The following DST variants were observed in gnomAD, a reference collection of about 807,000 sequenced individuals.
The protein encoded by DST is bullous pemphigoid antigen.
Under a neutral mutation model 875.2 loss-of-function variants are expected in DST, and 253 were observed. That is an observed-to-expected ratio of 0.29 (90% confidence interval 0.26 to 0.32). The LOEUF is 0.32. DST is among the 10% of genes least tolerant of loss of function. DST has a pLI of 1.00. For synonymous variants in DST, 3,124 were observed against 3,197.1 expected (o/e 0.98, Z 0.77); for missense variants, 8,287 against 9,111.6 (o/e 0.91, Z 3.68).
Position 56,509,781 on chromosome 6 carries a change from C to A in DST, c.18873G>T (p.Lys6291Asn). The change falls in exon 74 of 104, where the codon AAG becomes AAT. Residue 6291 changes from lysine to asparagine, a missense_variant. Lys to Asn is a moderately conservative substitution (Grantham distance 94, BLOSUM62 0). This residue lies in a region of DST where 1,292 missense variants were observed against 1,552.7 expected (regional missense o/e 0.83). Coordinates refer to ENST00000680361, the MANE Select transcript of DST (RefSeq NM_001374736.1). ...TATTTTCACTGATCTGTTCCTTGAT[C>A]TTCTCAACCTCTGCAGAGATAGAGG... ...QPPSISAEVEKIKEQISENKN... is the reference protein window; with the variant it reads ...QPPSISAEVENIKEQISENKN... The A allele has an allele frequency of 1.2e-6, 2 of 1,613,724 alleles. No homozygotes were observed. The highest frequency in any genetic ancestry group is 1.7e-6 in the Non-Finnish European group (2 of 1,179,752).
intron 10 of DST, among the ~76,000 whole-genome samples, chr6:56,660,942 T>G (rs544247612): frequency 6.7e-6 from 1 of 149,574 alleles, no homozygotes; most frequent in East Asian, 1.9e-4. Context: ...TCTAACAAAT[T>G]CAATAATTAA....
At chr6:56,743,475 C>G (rs1390409628) in intron 4 of DST, among the ~76,000 whole-genome samples, 2 of 152,168 alleles carry the variant, frequency 1.3e-5, no homozygotes. Flanking sequence ...TAGTAAATAG[C>G]CCTTCTCTTC....
In DST at chr6:56,459,392, A is replaced by T; in HGVS notation, c.23195-125T>A. The T allele has an allele frequency of 3.1e-6, 3 of 954,578 alleles. No homozygotes were observed. In the South Asian group the frequency reaches 5.4e-5, roughly 17 times the overall value. The allele number at this position is 954,578 out of a possible 1,614,324, so 59.1% of individuals were successfully genotyped here. A position where few individuals can be genotyped will look rare whatever the true frequency, so the allele number is the denominator to read the frequency against. On this transcript the variant is annotated intron_variant, in intron 103 of 103. Coordinates refer to ENST00000680361, the MANE Select transcript of DST (RefSeq NM_001374736.1). ...GGTGTGTAGTAGGCACTCAGAAAAC[A>T]GTTGTGGATTCACAGCCTTTCTCTA...
Position 56,473,951 on chromosome 6 carries a change from T to C in DST, c.21916A>G (p.Lys7306Glu). Reference protein sequence around the residue: ...RKQPDVDKVTKTYKRRAADPS... With the variant: ...RKQPDVDKVTETYKRRAADPS... ...TCAGCAGCTCTCCTCTTATAGGTCTTCGTTACTTTATCAACATCAGGCTGT... is the reference window on the plus strand; with the variant it reads ...TCAGCAGCTCTCCTCTTATAGGTCTCCGTTACTTTATCAACATCAGGCTGT... Residue 7306 changes from lysine (K) to glutamate (E), a missense_variant, in exon 93 of 104, where the codon AAG (lysine) becomes GAG (glutamate). Lys to Glu is a moderately conservative substitution (Grantham distance 56, BLOSUM62 1). Transcript: ENST00000680361. 1 of 1,586,784 alleles carries C rather than the reference T, an allele frequency of 6.3e-7. No individual in the cohort carries two copies. The highest frequency in any genetic ancestry group is 1.1e-5 in the South Asian group (1 of 87,238).
At chr6:56,700,253 T>C (rs1456372978) in intron 8 of DST, among the ~76,000 whole-genome samples, 2 of 152,170 alleles carry the variant, frequency 1.3e-5, no homozygotes, top group East Asian at 3.9e-4. Flanking sequence ...AGCCAGTTCA[T>C]GGAAAAATAG....
chr6:56,769,852 C>A (rs1298795968), intron 4 of DST, among the ~76,000 whole-genome samples: 1 of 152,152 alleles, frequency 6.6e-6, no homozygotes, highest in Non-Finnish European at 1.5e-5. Flanking sequence ...AAAATGTATT[C>A]CTGTCCTCAA....
intron 10 of DST, among the ~76,000 whole-genome samples, chr6:56,660,889 C>A (rs1466527509): frequency 6.6e-6 from 1 of 151,160 alleles, no homozygotes. Flanking sequence ...AGATGAGAAA[C>A]AGTATATTTA....
intron 3 of DST, among the ~76,000 whole-genome samples, chr6:56,862,300 A>G (rs1453181298): frequency 6.6e-6 from 1 of 152,142 alleles, no homozygotes; most frequent in Non-Finnish European, 1.5e-5. Flanking sequence ...GATCCAGGGA[A>G]GAAGGGAATG....
At chr6:56,476,116 G>C (rs902031779) in intron 92 of DST, 33 bp downstream of exon 92, 1 of 1,525,728 alleles carries the variant, frequency 6.6e-7, no homozygotes, top group African/African-American at 1.4e-5. Flanking sequence ...CTGAGATAAT[G>C]GTTAACAGGA....
intron 4 of DST, among the ~76,000 whole-genome samples, chr6:56,778,250 A>C (rs968778414): frequency 2.0e-5 from 3 of 151,944 alleles, no homozygotes; most frequent in African/African-American, 7.3e-5. Context: ...AAACAAATCA[A>C]AATTGTCCAG....
chr6:56,663,278 A>T (rs1451929544), intron 10 of DST, among the ~76,000 whole-genome samples: 1 of 152,272 alleles, frequency 6.6e-6, no homozygotes, highest in African/African-American at 2.4e-5. Context: ...GTTAGAAGTC[A>T]TCCATTTCTG....
At chr6:56,850,067 T>C (rs576040396) in intron 4 of DST, among the ~76,000 whole-genome samples, 50 of 152,222 alleles carry the variant, frequency 3.3e-4, no homozygotes, top group South Asian at 1.2e-3. Context: ...GACTAAACAT[T>C]TTCTGGTCTG....
chr6:56,677,018 G>A (rs1211332114), intron 9 of DST, among the ~76,000 whole-genome samples: 1 of 152,126 alleles, frequency 6.6e-6, no homozygotes, highest in African/African-American at 2.4e-5. Context: ...TTCTAAAAGA[G>A]TAGATTTTAA....
intron 3 of DST, among the ~76,000 whole-genome samples, chr6:56,879,651 C>T (rs1377941259): frequency 2.0e-5 from 3 of 152,190 alleles, no homozygotes; most frequent in African/African-American, 7.2e-5. Flanking sequence ...ATATCATTCA[C>T]TCCTTAATTA....
At chr6:56,573,309 AC>A (rs1377036805) in intron 51 of DST, among the ~76,000 whole-genome samples, 2 of 152,188 alleles carry the variant, frequency 1.3e-5, no homozygotes, top group Non-Finnish European at 2.9e-5. Context: ...CTACTCAGCA[AC>A]CCCTAGAATC....
chr6:56,842,458 C>T (rs1167146997), intron 4 of DST, among the ~76,000 whole-genome samples: 2 of 152,054 alleles, frequency 1.3e-5, no homozygotes, highest in East Asian at 3.8e-4. Flanking sequence ...CATAGAATTT[C>T]CTGAACATAA....
intron 19 of DST, 71 bp from the exon 20 acceptor site, chr6:56,639,844 T>C: frequency 6.3e-7 from 1 of 1,582,312 alleles, no homozygotes; most frequent in Non-Finnish European, 8.7e-7. Context: ...TTAATGTATC[T>C]ATTATTGATT....
At chr6:56,602,845 T>C (rs750522734) in intron 43 of DST, 37 bp downstream of exon 43, 1 of 1,416,450 alleles carries the variant, frequency 7.1e-7, no homozygotes, top group Non-Finnish European at 9.3e-7. Flanking sequence ...GTCATAGTTT[T>C]TGAAATATAT....
chr6:56,603,047 G>A lies in DST; in HGVS notation c.11158-16C>T, dbSNP rs570718803. ...CTAGTTTAGACTAGAAAAAAAAATT[G>A]TGCATTCAGTTATCTTTCCCCAAAA... On this transcript the variant is annotated splice_polypyrimidine_tract_variant and intron_variant, in intron 42 of 103. Coordinates refer to ENST00000680361, the MANE Select transcript of DST (RefSeq NM_001374736.1). 1.9e-6 allele frequency: 3 copies of A among 1,555,486 alleles called. No individual in the cohort carries two copies. The highest frequency in any genetic ancestry group is 2.3e-5 in the East Asian group (1 of 44,388).
Sources: gnomAD v4.1 joint callset for allele counts (sites outside exome capture counted in the v4.1 genomes callset) on GRCh38, gnomAD v4.1.1 for gene constraint, gnomAD v4.1.1 regional missense constraint, MANE v1.5 for transcripts, NCBI Gene and HGNC (gene_info 2026-07-23, HGNC 2026-07-21) for gene names.